The following TUSC3 variants were observed in gnomAD, a reference collection of about 807,000 sequenced individuals.
The protein encoded by TUSC3 is dolichyl-diphosphooligosaccharide--protein glycosyltransferase subunit TUSC3.
Under a neutral mutation model 44.8 loss-of-function variants are expected in TUSC3, and 45 were observed. That is an observed-to-expected ratio of 1.00 (90% CI 0.79 to 1.29). TUSC3 has a LOEUF of 1.29. Ranked by LOEUF, TUSC3 falls within the 50% of genes most tolerant of loss-of-function variation. The probability of loss-of-function intolerance (pLI) is 0.00; values close to 1 mark genes in which losing one functional copy is unlikely to be tolerated. For missense variants in TUSC3, 519 were observed against 437.9 expected (o/e 1.19, Z -1.65); for synonymous variants, 212 against 152.9 (o/e 1.39, Z -2.85).
chr8:15,418,170 A>C (rs950095358), intron 1 of TUSC3, among the ~76,000 whole-genome samples: 4 of 152,316 alleles, frequency 2.6e-5, no homozygotes, highest in East Asian at 1.9e-4. Flanking sequence ...CCTACTATGT[A>C]ATTCATCATT....
intron 4 of TUSC3, 112 bp downstream of exon 4, chr8:15,659,759 T>G: frequency 7.1e-7 from 1 of 1,415,526 alleles, no homozygotes; most frequent in Non-Finnish European, 9.8e-7. Context: ...TGTTTCTCCT[T>G]GCATAGAGAA....
chr8:15,680,449 T>C (rs1808375856), intron 6 of TUSC3, among the ~76,000 whole-genome samples: 1 of 152,120 alleles, frequency 6.6e-6, no homozygotes, highest in Admixed American at 6.6e-5. Context: ...CATAGATTGA[T>C]TCCTGAAACT....
intron 6 of TUSC3, among the ~76,000 whole-genome samples, chr8:15,723,511 A>G (rs1810385164): frequency 1.3e-5 from 2 of 152,176 alleles, no homozygotes; most frequent in Admixed American, 1.3e-4. Context: ...ACCTGGATGT[A>G]GATAATACCT....
intron 9 of TUSC3, among the ~76,000 whole-genome samples, chr8:15,750,211 C>A (rs1190893147): frequency 6.6e-6 from 1 of 151,912 alleles, no homozygotes; most frequent in African/African-American, 2.4e-5. Flanking sequence ...GATCTCCTGA[C>A]CTCATGGTCC....
chr8:15,546,630 G>C (rs1030453364), intron 1 of TUSC3, among the ~76,000 whole-genome samples: 1 of 151,508 alleles, frequency 6.6e-6, no homozygotes, highest in Non-Finnish European at 1.5e-5. Flanking sequence ...CTGCCTCCTG[G>C]GTTCAAGCAA....
chr8:15,520,493 A>G (rs1495087), intron 2 of TUSC3, among the ~76,000 whole-genome samples: 84,806 of 152,038 alleles, frequency 0.56, 26,143 homozygotes, highest in Non-Finnish European at 0.68. Context: ...CTGTTATTTA[A>G]ATGGCATTTA....
chr8:15,599,165 A>T (rs1186785746), intron 1 of TUSC3, among the ~76,000 whole-genome samples: 1 of 151,764 alleles, frequency 6.6e-6, no homozygotes, highest in Non-Finnish European at 1.5e-5. Flanking sequence ...CTTAATTTGC[A>T]TTTCCCGATG....
chr8:15,674,687 G>T (rs1018410212), intron 6 of TUSC3, among the ~76,000 whole-genome samples: 4 of 151,778 alleles, frequency 2.6e-5, no homozygotes, highest in Non-Finnish European at 5.9e-5. Context: ...AACATTTTCA[G>T]ATTTCTGTAG....
At chr8:15,630,345 T>C (rs948656180) in intron 2 of TUSC3, among the ~76,000 whole-genome samples, 17 of 152,140 alleles carry the variant, frequency 1.1e-4, no homozygotes. Context: ...TAACATTACA[T>C]TGATACATTA....
Position 15,652,594 on chromosome 8 carries a change from T to A in TUSC3, c.426+1780T>A, listed in dbSNP as rs190599932. Among the ~76,000 whole-genome samples, 10 of 152,302 alleles carry A rather than the reference T, an allele frequency of 6.6e-5. No homozygotes were observed. The East Asian group carries it at 1.9e-3, about 29-fold the overall frequency. ...AATGATAATAGTAATAATAGTATCA[T>A]AATAAAACATATAAATATGTAATTT... On this transcript the variant is annotated intron_variant, in intron 3 of 10. Transcript: ENST00000503731.
At chr8:15,503,889 C>G (rs1399548958) in intron 2 of TUSC3, among the ~76,000 whole-genome samples, 1 of 151,794 alleles carries the variant, frequency 6.6e-6, no homozygotes, top group Non-Finnish European at 1.5e-5. Flanking sequence ...GTGGTGCACA[C>G]CTGTAATCCT....
At chr8:15,742,624 A>T (rs1031081468) in intron 7 of TUSC3, among the ~76,000 whole-genome samples, 1 of 152,192 alleles carries the variant, frequency 6.6e-6, no homozygotes, top group African/African-American at 2.4e-5. Context: ...AGATTCATTG[A>T]TGCTGTTTAT....
the TUSC3 span, among the ~76,000 whole-genome samples, chr8:15,817,669 A>G: frequency 1.3e-5 from 2 of 152,162 alleles, no homozygotes; most frequent in East Asian, 1.9e-4. Context: ...CCCTTCCACC[A>G]TGATTATAAG....
chr8:15,510,503 A>G (rs1801118274), intron 2 of TUSC3, among the ~76,000 whole-genome samples: 1 of 152,192 alleles, frequency 6.6e-6, no homozygotes, highest in Admixed American at 6.5e-5. Context: ...GAAATACACA[A>G]ATACATAAAA....
chr8:15,561,236 G>C (rs1308020537), intron 1 of TUSC3, among the ~76,000 whole-genome samples: 4 of 143,898 alleles, frequency 2.8e-5, no homozygotes, highest in Non-Finnish European at 6.1e-5. Flanking sequence ...AGGACCCTCA[G>C]CTGCAGGTCT....
At chr8:15,457,860 C>T (rs925051979) in intron 1 of TUSC3, among the ~76,000 whole-genome samples, 1 of 54,116 alleles carries the variant, frequency 1.8e-5, no homozygotes. Flanking sequence ...TAATAATTAT[C>T]TAATAAATTA....
chr8:15,760,029 C>T (rs1425190377), intron 10 of TUSC3, among the ~76,000 whole-genome samples: 9 of 152,070 alleles, frequency 5.9e-5, no homozygotes, highest in Admixed American at 5.9e-4. Flanking sequence ...TATAACCGAG[C>T]CTCTTAAATT....
At chr8:15,841,200 C>A in the TUSC3 span, among the ~76,000 whole-genome samples, 1 of 151,900 alleles carries the variant, frequency 6.6e-6, no homozygotes, top group African/African-American at 2.4e-5. Flanking sequence ...CACATATATA[C>A]ATCAATCTGC....
intron 8 of TUSC3, 118 bp downstream of exon 8, chr8:15,743,730 G>A: frequency 8.6e-7 from 1 of 1,167,556 alleles, no homozygotes; most frequent in Non-Finnish European, 1.3e-6. Context: ...GTTCTGGTTT[G>A]AAGAAGATTT....
Sources: allele counts gnomAD v4.1 joint callset (sites outside exome capture counted in the v4.1 genomes callset), GRCh38; gene constraint gnomAD v4.1.1; transcripts MANE v1.5; gene names NCBI Gene and HGNC (gene_info 2026-07-23, HGNC 2026-07-21).